The following PGGT1B variants were observed in gnomAD, a reference collection of about 807,000 sequenced individuals.
PGGT1B encodes protein geranylgeranyltransferase type I subunit beta.
In PGGT1B, 30 loss-of-function variants were observed where a neutral mutation model predicts 46.1. That is an observed-to-expected ratio of 0.65 (90% CI 0.49 to 0.88). PGGT1B has a LOEUF of 0.88. Ranked by LOEUF, PGGT1B falls within the 40% of genes least tolerant of loss-of-function variation. PGGT1B has a pLI of 0.00. For missense variants in PGGT1B, 376 were observed against 455.9 expected (o/e 0.82, Z 1.60); for synonymous variants, 170 against 160.0 (o/e 1.06, Z -0.47).
intron 7 of PGGT1B, among the ~76,000 whole-genome samples, chr5:115,218,095 A>G (rs1259558234): frequency 6.6e-6 from 1 of 151,876 alleles, no homozygotes; most frequent in African/African-American, 2.4e-5. Context: ...GGAAGGTAGA[A>G]GATGAGGAAA....
intron 8 of PGGT1B, among the ~76,000 whole-genome samples, chr5:115,215,976 G>C (rs998391360): frequency 6.6e-6 from 1 of 152,178 alleles, no homozygotes; most frequent in Admixed American, 6.5e-5. Flanking sequence ...CATATGTCGG[G>C]TGAGGTGTAG....
At chr5:115,230,101 T>C (rs1266985971) in intron 6 of PGGT1B, among the ~76,000 whole-genome samples, 3 of 152,078 alleles carry the variant, frequency 2.0e-5, no homozygotes, top group African/African-American at 7.2e-5. Flanking sequence ...CCATATCTCT[T>C]ATAATACTAA....
At chr5:115,220,150 A>C (rs1000134671) in intron 7 of PGGT1B, among the ~76,000 whole-genome samples, 5 of 151,868 alleles carry the variant, frequency 3.3e-5, no homozygotes, top group Admixed American at 1.3e-4. Flanking sequence ...TTATACACCC[A>C]TGTTTTTAGC....
In PGGT1B at chr5:115,208,614, A is replaced by G. The variant is rs1756132761; in HGVS notation, c.*3788T>C. On this transcript the variant is annotated 3_prime_UTR_variant, in exon 9 of 9. Transcript: ENST00000419445. ...ATTTGTGCTTCCTCCTTTTTTTCTT[A>G]AATAGGTTAGCTGGTAGTTTATCTG... The G allele has an allele frequency of 6.6e-6, 1 of 151,772 alleles. No individual in the cohort carries two copies. The highest frequency in any genetic ancestry group is 6.6e-5 in the Admixed American group (1 of 15,208). The allele number at this position is 151,772 out of a possible 1,614,324, so 9.4% of individuals were successfully genotyped here. A position where few individuals can be genotyped will look rare whatever the true frequency, so the allele number is the denominator to read the frequency against.
chr5:115,238,096 T>C (rs370545107), intron 3 of PGGT1B, 87 bp from the exon 4 acceptor site: 126 of 933,074 alleles, frequency 1.4e-4, no homozygotes, highest in Non-Finnish European at 1.9e-4. Context: ...TTTTAGTAAA[T>C]AGTAAAATTA....
At chr5:115,230,447 T>A (rs967750548) in intron 6 of PGGT1B, among the ~76,000 whole-genome samples, 3 of 152,106 alleles carry the variant, frequency 2.0e-5, no homozygotes, top group African/African-American at 7.2e-5. Context: ...ACTTAGTGAC[T>A]ATCACATCAT....
At position 115,205,228 on chromosome 5, in the gene PGGT1B, G is replaced by A. The variant is rs142428016; in HGVS notation, c.*7174C>T. On this transcript the variant is annotated 3_prime_UTR_variant, in exon 9 of 9. Transcript: ENST00000419445. ...CTCCAGTGAATTGTATGTCTTTCATGATCCCACCTATACTTTAAGAAAACT... is the reference window on the plus strand; with the variant it reads ...CTCCAGTGAATTGTATGTCTTTCATAATCCCACCTATACTTTAAGAAAACT... 4 of 152,170 alleles carry A rather than the reference G, an allele frequency of 2.6e-5. No homozygotes were observed. The highest frequency in any genetic ancestry group is 9.6e-5 in the African/African-American group (4 of 41,544). 9.4% of individuals were successfully genotyped at this position (152,170 alleles called of 1,614,324 possible).
At chr5:115,215,264 G>C (rs1033525901) in intron 8 of PGGT1B, among the ~76,000 whole-genome samples, 1 of 151,910 alleles carries the variant, frequency 6.6e-6, no homozygotes, top group African/African-American at 2.4e-5. Context: ...TCCCAAAGCT[G>C]GGATTACAGG....
chr5:115,260,936 C>T (rs1748530693), intron 1 of PGGT1B, among the ~76,000 whole-genome samples: 1 of 152,194 alleles, frequency 6.6e-6, no homozygotes, highest in African/African-American at 2.4e-5. Flanking sequence ...AACACATTGG[C>T]ATTTTGAAAA....
At chr5:115,259,221 G>A (rs1561488380) in intron 1 of PGGT1B, among the ~76,000 whole-genome samples, 2 of 152,168 alleles carry the variant, frequency 1.3e-5, no homozygotes, top group Non-Finnish European at 2.9e-5. Context: ...ACTTTAGCCT[G>A]CTTTAGAACC....
chr5:115,245,216 A>G (rs998682408), intron 2 of PGGT1B, among the ~76,000 whole-genome samples: 3 of 152,216 alleles, frequency 2.0e-5, no homozygotes, highest in African/African-American at 7.2e-5. Flanking sequence ...AGAGGCAGAC[A>G]TATAGTAGTG....
At chr5:115,217,778 A>G (rs1294503922) in intron 7 of PGGT1B, among the ~76,000 whole-genome samples, 1 of 152,020 alleles carries the variant, frequency 6.6e-6, no homozygotes, top group East Asian at 1.9e-4. Flanking sequence ...AAATTTATTC[A>G]TTTACATTGA....
At chr5:115,255,247 T>C (rs1023747160) in intron 1 of PGGT1B, among the ~76,000 whole-genome samples, 1 of 152,176 alleles carries the variant, frequency 6.6e-6, no homozygotes, top group African/African-American at 2.4e-5. Context: ...CTATAGACTC[T>C]TGGTTGTAAC....
In PGGT1B at chr5:115,206,228, G is replaced by T. The variant is rs1756059599; in HGVS notation, c.*6174C>A. ...CTCTATTTCTATATCTCTATATACAGAGATTAAAGGTCTGAAAGATGTATG... is the reference window on the plus strand; with the variant it reads ...CTCTATTTCTATATCTCTATATACATAGATTAAAGGTCTGAAAGATGTATG... On this transcript the variant is annotated 3_prime_UTR_variant, in exon 9 of 9. Coordinates refer to ENST00000419445, the MANE Select transcript of PGGT1B (RefSeq NM_005023.4). 6.6e-6 allele frequency: 1 copy of T among 151,822 alleles called. No individual in the cohort carries two copies. The highest frequency in any genetic ancestry group is 1.5e-5 in the Non-Finnish European group (1 of 67,846). The allele number at this position is 151,822 out of a possible 1,614,324, so 9.4% of individuals were successfully genotyped here. A position where few individuals can be genotyped will look rare whatever the true frequency, so the allele number is the denominator to read the frequency against.
chr5:115,242,420 T>C (rs1757375557), intron 2 of PGGT1B, among the ~76,000 whole-genome samples: 1 of 152,188 alleles, frequency 6.6e-6, no homozygotes, highest in Non-Finnish European at 1.5e-5. Flanking sequence ...AAAATCGAGT[T>C]GGTCTAAAAA....
intron 2 of PGGT1B, among the ~76,000 whole-genome samples, chr5:115,242,123 C>T (rs1002562498): frequency 1.3e-5 from 2 of 152,206 alleles, no homozygotes; most frequent in Non-Finnish European, 2.9e-5. Flanking sequence ...TCCACATTAG[C>T]TAGACCTTCG....
intron 8 of PGGT1B, among the ~76,000 whole-genome samples, chr5:115,215,222 T>G (rs968500434): frequency 6.6e-6 from 1 of 152,150 alleles, no homozygotes; most frequent in African/African-American, 2.4e-5. Context: ...GGTCTTCAAC[T>G]CCTGACTTCA....
chr5:115,258,984 C>T (rs1218632035), intron 1 of PGGT1B, among the ~76,000 whole-genome samples: 1 of 152,224 alleles, frequency 6.6e-6, no homozygotes, highest in Admixed American at 6.5e-5. Context: ...ACGTTCTCTG[C>T]TGCTCCTACA....
At chr5:115,234,886 G>C (rs1393810915) in intron 5 of PGGT1B, among the ~76,000 whole-genome samples, 2 of 151,998 alleles carry the variant, frequency 1.3e-5, no homozygotes, top group East Asian at 3.9e-4. Context: ...GTGTCTGTAA[G>C]GGGATGCCTA....
Sources: gnomAD v4.1 joint callset for allele counts (sites outside exome capture counted in the v4.1 genomes callset) on GRCh38, gnomAD v4.1.1 for gene constraint, MANE v1.5 for transcripts, NCBI Gene and HGNC (gene_info 2026-07-23, HGNC 2026-07-21) for gene names.